Variants in EGFLAM observed in about 807,000 individuals in gnomAD.
The protein encoded by EGFLAM is EGF like, fibronectin type III and laminin G domains, also known as pikachurin.
In EGFLAM, 79 loss-of-function variants were observed where a neutral mutation model predicts 113.1. That is an observed-to-expected ratio of 0.70 (90% CI 0.58 to 0.84). The LOEUF is 0.84. Ranked by LOEUF, EGFLAM falls within the 40% of genes least tolerant of loss-of-function variation. The probability of loss-of-function intolerance (pLI) is 0.00; values close to 1 mark genes in which losing one functional copy is unlikely to be tolerated. For missense variants in EGFLAM, 1,265 were observed against 1,291.6 expected (o/e 0.98, Z 0.32); for synonymous variants, 504 against 487.6 (o/e 1.03, Z -0.44).
intron 10 of EGFLAM, 92 bp from the exon 11 acceptor site, chr5:38,412,412 G>T: frequency 6.3e-7 from 1 of 1,581,270 alleles, no homozygotes; most frequent in South Asian, 1.1e-5. Flanking sequence ...ACTCTGAAGG[G>T]AGCTGTTGAC....
At chr5:38,267,956 C>T (rs1297979302) in intron 1 of EGFLAM, among the ~76,000 whole-genome samples, 7 of 152,112 alleles carry the variant, frequency 4.6e-5, no homozygotes, top group South Asian at 2.1e-4. Context: ...TCTATTTTTA[C>T]GTGGACAAAG....
intron 1 of EGFLAM, among the ~76,000 whole-genome samples, chr5:38,284,729 A>G (rs760984906): frequency 1.3e-5 from 2 of 152,210 alleles, no homozygotes; most frequent in Non-Finnish European, 2.9e-5. Flanking sequence ...GGGTTGTTGT[A>G]ATGGTTGAAA....
intron 17 of EGFLAM, among the ~76,000 whole-genome samples, chr5:38,445,224 A>G (rs1026739768): frequency 6.6e-6 from 1 of 152,158 alleles, no homozygotes; most frequent in African/African-American, 2.4e-5. Flanking sequence ...GGGAGAGAGA[A>G]GAGGCAGCTA....
intron 1 of EGFLAM, among the ~76,000 whole-genome samples, chr5:38,276,479 G>T (rs1757888650): frequency 6.6e-6 from 1 of 152,018 alleles, no homozygotes; most frequent in South Asian, 2.1e-4. Context: ...AAGGAAGAAA[G>T]ATATCAATTA....
At chr5:38,345,321 G>T (rs993841606) in intron 3 of EGFLAM, 1 of 152,220 alleles carries the variant, frequency 6.6e-6, no homozygotes, top group South Asian at 2.1e-4. Context: ...CTATATAAAT[G>T]AAAACTATAA....
intron 1 of EGFLAM, among the ~76,000 whole-genome samples, chr5:38,325,483 C>A (rs1304423962): frequency 1.3e-5 from 2 of 152,120 alleles, no homozygotes; most frequent in Admixed American, 6.5e-5. Flanking sequence ...GGACAAGTGG[C>A]GACAGATTTA....
chr5:38,395,554 A>G lies in EGFLAM; in HGVS notation c.713-10572A>G, dbSNP rs148216023. ...GAGGGTCTAAGTGTCTCTGGTTTGAACAACTTGCCCATCTGAATACCTAAA... is the reference window on the plus strand; with the variant it reads ...GAGGGTCTAAGTGTCTCTGGTTTGAGCAACTTGCCCATCTGAATACCTAAA... On this transcript the variant is annotated intron_variant, in intron 6 of 21. Transcript: ENST00000322350. Among the ~76,000 whole-genome samples, 629 of 152,282 alleles carry G rather than the reference A, an allele frequency of 4.1e-3. 1 individual carries two copies. Among genetic ancestry groups the G allele is most frequent in the Non-Finnish European group, 6.5e-3 (439 of 68,028 alleles).
At position 38,337,539 on chromosome 5, in the gene EGFLAM, T is replaced by G; in HGVS notation, c.117T>G (p.Leu39=). 1.2e-6 allele frequency: 2 copies of G among 1,602,856 alleles called. No homozygotes were observed. Among genetic ancestry groups the G allele is most frequent in the Non-Finnish European group, 1.7e-6 (2 of 1,173,426 alleles). Residue 39 remains leucine (L), a synonymous_variant, in exon 2 of 22, where the codon CTT becomes CTG. Coordinates refer to ENST00000322350, the MANE Select transcript of EGFLAM (RefSeq NM_152403.4). ...IRKPGKVGPP[L]DIKLGALNCT... is the part of the protein sequence containing the mutation. ...GGGCAGGCAAGGTAGGGCCTCCTCT[T>G]GACATCAAGCTGGGCGCATTGAACT...
chr5:38,268,476 A>G (rs1344860747), intron 1 of EGFLAM, among the ~76,000 whole-genome samples: 1 of 152,166 alleles, frequency 6.6e-6, no homozygotes, highest in Non-Finnish European at 1.5e-5. Context: ...GTTTCTGGGA[A>G]ATGTCGTTCA....
intron 15 of EGFLAM, among the ~76,000 whole-genome samples, chr5:38,432,431 G>A (rs1057404198): frequency 2.0e-5 from 3 of 150,990 alleles, no homozygotes; most frequent in African/African-American, 4.9e-5. Flanking sequence ...TGTTTCAAGA[G>A]GTGGGCACCC....
intron 5 of EGFLAM, among the ~76,000 whole-genome samples, chr5:38,353,577 G>T (rs538094527): frequency 6.6e-6 from 1 of 152,194 alleles, no homozygotes; most frequent in Non-Finnish European, 1.5e-5. Flanking sequence ...CAGAGGTGAG[G>T]TACTGCACAG....
intron 6 of EGFLAM, among the ~76,000 whole-genome samples, chr5:38,382,407 G>A (rs1740533908): frequency 6.6e-6 from 1 of 152,126 alleles, no homozygotes; most frequent in Non-Finnish European, 1.5e-5. Context: ...CATTTGGATT[G>A]CTTCACTGGT....
intron 6 of EGFLAM, among the ~76,000 whole-genome samples, chr5:38,384,832 T>G (rs6451385): frequency 0.12 from 18,375 of 151,766 alleles, 1,250 homozygotes; most frequent in Non-Finnish European, 0.14. Flanking sequence ...CACAATAGAG[T>G]GGTAGATTTC....
rs376389063 is a variant in EGFLAM at position 38,451,381 on chromosome 5, G to A, written c.2610G>A (p.Leu870=). Residue 870 remains leucine (L), a synonymous_variant, in exon 19 of 22, where the codon CTG becomes CTA. Transcript: ENST00000322350. The part of the protein sequence containing the change: ...FKTTAKDGLL[L]WRGDSPMRPN... ...CAACTGCCAAGGATGGCCTTTTGCT[G>A]TGGAGGGGAGACAGCCCCATGAGAC... The A allele has an allele frequency of 6.2e-7, 1 of 1,614,250 alleles. No individual in the cohort carries two copies. Among genetic ancestry groups the A allele is most frequent in the Non-Finnish European group, 8.5e-7 (1 of 1,180,044 alleles).
At chr5:38,348,810 T>C (rs908357378) in intron 3 of EGFLAM, among the ~76,000 whole-genome samples, 1 of 151,196 alleles carries the variant, frequency 6.6e-6, no homozygotes, top group Admixed American at 6.6e-5. Flanking sequence ...ATCAGGACAA[T>C]GAGAGGAGGG....
At chr5:38,343,169 T>G (rs1561285836) in intron 3 of EGFLAM, among the ~76,000 whole-genome samples, 1 of 152,058 alleles carries the variant, frequency 6.6e-6, no homozygotes, top group Non-Finnish European at 1.5e-5. Flanking sequence ...TTTGGGAGGC[T>G]GAGGCGGGTG....
At chr5:38,447,088 G>A (rs1314641086) in intron 17 of EGFLAM, among the ~76,000 whole-genome samples, 2 of 152,116 alleles carry the variant, frequency 1.3e-5, no homozygotes, top group Non-Finnish European at 2.9e-5. Context: ...TCTTTCCAAA[G>A]AGGAAAGAGA....
chr5:38,298,443 C>T (rs1758499099), intron 1 of EGFLAM, among the ~76,000 whole-genome samples: 1 of 152,174 alleles, frequency 6.6e-6, no homozygotes, highest in Non-Finnish European at 1.5e-5. Context: ...TCCTATTGAG[C>T]TCACACTTCC....
chr5:38,347,300 A>G (rs1163446454), intron 3 of EGFLAM, among the ~76,000 whole-genome samples: 1 of 152,160 alleles, frequency 6.6e-6, no homozygotes, highest in East Asian at 1.9e-4. Context: ...TTGCTTGAGC[A>G]TTTGCTAGAT....
Sources: allele counts gnomAD v4.1 joint callset (sites outside exome capture counted in the v4.1 genomes callset), GRCh38; gene constraint gnomAD v4.1.1; transcripts MANE v1.5; gene names NCBI Gene and HGNC (gene_info 2026-07-23, HGNC 2026-07-21).